The following PTPRG variants were observed in gnomAD, a reference collection of about 807,000 sequenced individuals.
PTPRG encodes the protein protein tyrosine phosphatase receptor type G.
Under a neutral mutation model 165.3 loss-of-function variants are expected in PTPRG, and 102 were observed. The observed-to-expected ratio is 0.62, with a 90% confidence interval of 0.53 to 0.73. PTPRG has a LOEUF of 0.73. Among genes scored for constraint, PTPRG ranks in the 30% least tolerant of loss-of-function variants. The pLI, the probability that PTPRG is intolerant of heterozygous loss-of-function variation, is 0.00. For missense variants in PTPRG, 1,866 were observed against 1,861.4 expected (o/e 1.00, Z -0.05); for synonymous variants, 675 against 669.5 (o/e 1.01, Z -0.13).
At chr3:62,074,178 A>AGTGTGTGTGT (rs777598058) in intron 4 of PTPRG, among the ~76,000 whole-genome samples, 2 of 64,926 alleles carry the variant, frequency 3.1e-5, no homozygotes, top group African/African-American at 9.2e-5. Context: ...AAAAAAAGTG[A>AGTGTGTGTGT]GAGTGTGTGT....
intron 1 of PTPRG, among the ~76,000 whole-genome samples, chr3:61,611,082 A>G (rs888183060): frequency 6.6e-6 from 1 of 152,180 alleles, no homozygotes; most frequent in Non-Finnish European, 1.5e-5. Flanking sequence ...GATTACAGGC[A>G]TGAGCCACCG....
chr3:61,816,488 C>T (rs1381122729), intron 2 of PTPRG, among the ~76,000 whole-genome samples: 4 of 152,060 alleles, frequency 2.6e-5, no homozygotes, highest in Non-Finnish European at 5.9e-5. Flanking sequence ...GCCAGGATTG[C>T]GCCACTGCAC....
At chr3:62,249,920 T>A (rs1701373443) in intron 15 of PTPRG, among the ~76,000 whole-genome samples, 1 of 152,180 alleles carries the variant, frequency 6.6e-6, no homozygotes, top group African/African-American at 2.4e-5. Context: ...ATAATGACAG[T>A]AGCCTTGGCA....
chr3:61,641,974 AC>A (rs1347802096), intron 1 of PTPRG, among the ~76,000 whole-genome samples: 1 of 151,840 alleles, frequency 6.6e-6, no homozygotes, highest in Admixed American at 6.6e-5. Context: ...TATGGAGGGC[AC>A]CCCCCAGCCT....
chr3:62,125,785 C>A (rs1703267675), intron 5 of PTPRG, among the ~76,000 whole-genome samples: 1 of 149,808 alleles, frequency 6.7e-6, no homozygotes, highest in Non-Finnish European at 1.5e-5. Flanking sequence ...GCTGGAATTT[C>A]TGTTTTACCT....
At chr3:61,579,456 C>T (rs1341701480) in intron 1 of PTPRG, among the ~76,000 whole-genome samples, 1 of 152,204 alleles carries the variant, frequency 6.6e-6, no homozygotes, top group Non-Finnish European at 1.5e-5. Flanking sequence ...TTTTTGAGCA[C>T]CTACTGTGAG....
chr3:62,212,447 C>T (rs1410645486), intron 12 of PTPRG, among the ~76,000 whole-genome samples: 1 of 152,208 alleles, frequency 6.6e-6, no homozygotes, highest in Non-Finnish European at 1.5e-5. Flanking sequence ...GAAAGAGCCT[C>T]TTCTCTTGAG....
chr3:61,983,262 T>G (rs1269332111), intron 2 of PTPRG, among the ~76,000 whole-genome samples: 1 of 152,156 alleles, frequency 6.6e-6, no homozygotes, highest in Non-Finnish European at 1.5e-5. Flanking sequence ...CATAAAGATT[T>G]TAATTAAAAC....
intron 2 of PTPRG, among the ~76,000 whole-genome samples, chr3:61,972,807 C>G (rs2040414748): frequency 7.0e-6 from 1 of 143,656 alleles, no homozygotes; most frequent in Non-Finnish European, 1.5e-5. Flanking sequence ...CGTGTGCCAC[C>G]ATGCCCAGCT....
intron 1 of PTPRG, among the ~76,000 whole-genome samples, chr3:61,673,263 T>C (rs1265155695): frequency 6.6e-6 from 1 of 152,226 alleles, no homozygotes; most frequent in Non-Finnish European, 1.5e-5. Context: ...TCACAGTCTT[T>C]GCGCTTTCTG....
At chr3:62,142,342 A>G (rs917989837) in intron 6 of PTPRG, among the ~76,000 whole-genome samples, 1 of 152,016 alleles carries the variant, frequency 6.6e-6, no homozygotes. Context: ...TTGGGGGTGG[A>G]TGAGAGAGTG....
chr3:62,160,819 TAAATAAGTCTGACTG>T (rs1259118427), intron 7 of PTPRG, among the ~76,000 whole-genome samples: 1 of 149,822 alleles, frequency 6.7e-6, no homozygotes, highest in Non-Finnish European at 1.5e-5. Context: ...AAAAAGGCAA[TAAATAAGTCTGACTG>T]CATCTACTTT....
rs545207866 is a variant in PTPRG, at chr3:62,258,706, G to A, written c.2559+3491G>A. Among the ~76,000 whole-genome samples the A allele has an allele frequency of 2.0e-5, 3 of 152,290 alleles. No individual in the cohort carries two copies. The East Asian group carries it at 5.8e-4, about 29-fold the overall frequency. Reference sequence around the variant, plus strand: ...TTGTCAAATAAATTCTAGAGACCGTGAAAAGCAACATCATACAGTATTTGC... The same window carrying A: ...TTGTCAAATAAATTCTAGAGACCGTAAAAAGCAACATCATACAGTATTTGC... On this transcript the variant is annotated intron_variant, in intron 16 of 29. Transcript: ENST00000474889.
chr3:62,197,683 C>T (rs1048427029), intron 10 of PTPRG, among the ~76,000 whole-genome samples: 6 of 152,164 alleles, frequency 3.9e-5, no homozygotes, highest in Non-Finnish European at 7.3e-5. Flanking sequence ...TGTGCTCCAT[C>T]CAAGAGCCTA....
intron 2 of PTPRG, among the ~76,000 whole-genome samples, chr3:61,902,537 A>G (rs890145849): frequency 6.6e-6 from 1 of 152,184 alleles, no homozygotes; most frequent in Non-Finnish European, 1.5e-5. Flanking sequence ...AAACTGTGCT[A>G]TATTGCTAAG....
chr3:62,022,047 A>C (rs1486690979), intron 4 of PTPRG, among the ~76,000 whole-genome samples: 1 of 152,076 alleles, frequency 6.6e-6, no homozygotes, highest in East Asian at 1.9e-4. Context: ...ATTTACGTTA[A>C]ATTTTATTCA....
intron 13 of PTPRG, 110 bp from the exon 14 acceptor site, chr3:62,231,115 G>A (rs1033152629): frequency 4.7e-5 from 34 of 728,818 alleles, no homozygotes; most frequent in Middle Eastern, 2.6e-4. Context: ...GCCTGATGAC[G>A]GGGTCTGTCT....
intron 2 of PTPRG, among the ~76,000 whole-genome samples, chr3:61,945,968 C>G (rs559161948): frequency 1.3e-5 from 2 of 148,686 alleles, no homozygotes; most frequent in South Asian, 4.5e-4. Context: ...CTTTCCTCTG[C>G]TCAGCCAACT....
intron 2 of PTPRG, among the ~76,000 whole-genome samples, chr3:61,775,717 C>T (rs2034357081): frequency 6.6e-6 from 1 of 151,988 alleles, no homozygotes; most frequent in African/African-American, 2.4e-5. Flanking sequence ...GAAAATGTGG[C>T]ACATATACAC....
Sources: allele counts gnomAD v4.1 joint callset (sites outside exome capture counted in the v4.1 genomes callset), GRCh38; gene constraint gnomAD v4.1.1; transcripts MANE v1.5; gene names NCBI Gene and HGNC (gene_info 2026-07-23, HGNC 2026-07-21).